Variants in ABHD1 observed in about 807,000 individuals in gnomAD.
The protein encoded by ABHD1 is protein ABHD1.
Under a neutral mutation model 41.4 loss-of-function variants are expected in ABHD1, and 47 were observed. That is an observed-to-expected ratio of 1.13 (90% confidence interval 0.90 to 1.45). ABHD1 has a LOEUF of 1.45. ABHD1 is among the 40% of genes most tolerant of loss of function. The probability of loss-of-function intolerance (pLI) is 0.00; values close to 1 mark genes in which losing one functional copy is unlikely to be tolerated. For synonymous variants in ABHD1, 205 were observed against 203.7 expected (o/e 1.01, Z -0.05); for missense variants, 550 against 503.4 (o/e 1.09, Z -0.89).
intron 8 of ABHD1, 26 bp from the exon 9 acceptor site, chr2:27,130,507 G>A (rs1672195352): frequency 6.2e-7 from 1 of 1,612,428 alleles, no homozygotes; most frequent in Non-Finnish European, 8.5e-7. Context: ...GAAGGCCAGT[G>A]TTTCTAACCT....
chr2:27,128,910 A>T (rs1164484035), intron 2 of ABHD1, 35 bp from the exon 3 acceptor site: 4 of 1,602,248 alleles, frequency 2.5e-6, no homozygotes, highest in Non-Finnish European at 3.4e-6. Flanking sequence ...TAAGTTCTTA[A>T]TAGTATCTTT....
chr2:27,123,834 A>G lies in ABHD1; in HGVS notation c.-115A>G. ...GGGGCCAGCAGCGCAAACTGCCTGC[A>G]GCGGGGACCGGACCTGCACAGGCCG... On this transcript the variant is annotated 5_prime_UTR_variant, in exon 1 of 9. Transcript: ENST00000316470. 1 of 835,386 alleles carries G rather than the reference A, an allele frequency of 1.2e-6. No individual in the cohort carries two copies. Among genetic ancestry groups the G allele is most frequent in the South Asian group, 1.5e-5 (1 of 64,696 alleles). The allele number at this position is 835,386 out of a possible 1,614,324, so 51.7% of individuals were successfully genotyped here. A position where few individuals can be genotyped will look rare whatever the true frequency, so the allele number is the denominator to read the frequency against.
intron 1 of ABHD1, 145 bp downstream of exon 1, chr2:27,124,207 G>A (rs2148407597): frequency 2.6e-6 from 2 of 775,768 alleles, no homozygotes; most frequent in South Asian, 1.5e-5. Context: ...AGTCGGCTCT[G>A]CCTCTCTAGT....
At chr2:27,128,369 C>G (rs769332425) in intron 1 of ABHD1, 72 bp from the exon 2 acceptor site, 2 of 1,604,154 alleles carry the variant, frequency 1.2e-6, no homozygotes, top group Non-Finnish European at 1.7e-6. Context: ...CCCCCTCACC[C>G]TCTGGTGTTG....
In ABHD1 at chr2:27,129,615, C is replaced by G. The variant is rs766312530; in HGVS notation, c.606C>G (p.Ile202Met). The G allele has an allele frequency of 1.5e-5, 24 of 1,612,882 alleles. No homozygotes were observed. Among genetic ancestry groups the G allele is most frequent in the Non-Finnish European group, 2.0e-5 (24 of 1,180,014 alleles). ...YPQAPLLAVG[I>M]SFGGILVLNH... ...AAGCTCCACTGCTGGCCGTGGGCAT[C>G]TCTTTTGGAGGGTAAAGATTGCCTG... The change falls in exon 5 of 9, where the codon ATC (isoleucine) becomes ATG (methionine). Residue 202 changes from isoleucine to methionine, a missense_variant. Ile to Met is a conservative substitution (Grantham distance 10). Transcript: ENST00000316470.
Position 27,129,374 on chromosome 2 carries a change from C to T in ABHD1, c.504+13C>T, listed in dbSNP as rs1349200617. 5 of 1,614,094 alleles carry T rather than the reference C, an allele frequency of 3.1e-6. No individual in the cohort carries two copies. Among genetic ancestry groups the T allele is most frequent in the Non-Finnish European group, 4.2e-6 (5 of 1,179,996 alleles). On this transcript the variant is annotated intron_variant, in intron 4 of 8. Transcript: ENST00000316470. ...GGAGGAACTGCGGGTGAGTAGCTGC[C>T]TTCCTCATAGCAGCCCTTCACCCAC... is the stretch of plus-strand genomic sequence containing the variant.
chr2:27,129,937 TG>T lies in ABHD1; in HGVS notation c.791+12del. Reference sequence around the variant, plus strand: ...GCCAACTTGTGGAACGGTAGGGTCGTGGCAAGTGGGAGGAGGCAGTAGACAG... The same window carrying T: ...GCCAACTTGTGGAACGGTAGGGTCGTGCAAGTGGGAGGAGGCAGTAGACAG... On this transcript the variant is annotated intron_variant, in intron 6 of 8. Coordinates refer to ENST00000316470, the MANE Select transcript of ABHD1 (RefSeq NM_032604.4). 6.2e-7 allele frequency: 1 copy of T among 1,613,842 alleles called. No individual in the cohort carries two copies. Among genetic ancestry groups the T allele is most frequent in the Non-Finnish European group, 8.5e-7 (1 of 1,179,982 alleles).
Position 27,128,427 on chromosome 2 carries a change from CTG to C in ABHD1, c.115-9_115-8del. On this transcript the variant is annotated splice_polypyrimidine_tract_variant and intron_variant, in intron 1 of 8. Coordinates refer to ENST00000316470, the MANE Select transcript of ABHD1 (RefSeq NM_032604.4). Reference sequence around the variant, plus strand: ...AAAGTCAGGGAAGTGGGGCAGACTGCTGTGTGATTACAGAGGCCTCGGCTGGT... The same window carrying C: ...AAAGTCAGGGAAGTGGGGCAGACTGCTGTGATTACAGAGGCCTCGGCTGGT... The C allele has an allele frequency of 4.3e-6, 7 of 1,613,814 alleles. No individual in the cohort carries two copies. The highest frequency in any genetic ancestry group is 5.9e-6 in the Non-Finnish European group (7 of 1,180,016).
intron 3 of ABHD1, 23 bp downstream of exon 3, chr2:27,129,150 A>C (rs761882369): frequency 1.2e-6 from 2 of 1,606,826 alleles, no homozygotes; most frequent in South Asian, 2.2e-5. Context: ...GCAGCCCCAG[A>C]GTGGGGTGGC....
chr2:27,128,526 T>A lies in ABHD1; in HGVS notation c.200T>A (p.Leu67Gln). Reference protein sequence around the residue: ...SITTETFYPTLWCFEGRLQSI... With the variant: ...SITTETFYPTQWCFEGRLQSI... ...ACCACCGAGACTTTCTACCCAACGC[T>A]GTGGTGTTTTGAGGGGCGACTACAA... is the stretch of plus-strand genomic sequence containing the variant. Residue 67 changes from leucine (L) to glutamine (Q), a missense_variant, in exon 2 of 9, where the codon CTG becomes CAG. By Grantham distance (113) the Leu-to-Gln change is moderately radical (BLOSUM62 -2). Transcript: ENST00000316470. 1 of 1,613,566 alleles carries A rather than the reference T, an allele frequency of 6.2e-7. No individual in the cohort carries two copies. Among genetic ancestry groups the A allele is most frequent in the Admixed American group, 1.7e-5 (1 of 59,932 alleles).
chr2:27,129,935 C>G lies in ABHD1; in HGVS notation c.791+8C>G, dbSNP rs768605892. 1.2e-6 allele frequency: 2 copies of G among 1,613,766 alleles called. No individual in the cohort carries two copies. The highest frequency in any genetic ancestry group is 1.1e-5 in the South Asian group (1 of 91,052). ...CTGCCAACTTGTGGAACGGTAGGGT[C>G]GTGGCAAGTGGGAGGAGGCAGTAGA... On this transcript the variant is annotated splice_region_variant and intron_variant, in intron 6 of 8. Coordinates refer to ENST00000316470, the MANE Select transcript of ABHD1 (RefSeq NM_032604.4).
intron 1 of ABHD1, among the ~76,000 whole-genome samples, chr2:27,127,537 G>A (rs1218572006): frequency 1.5e-4 from 18 of 116,176 alleles, no homozygotes; most frequent in Middle Eastern, 6.1e-3. Context: ...CTGGGCAACA[G>A]AGCGAGACTC....
rs753469773 is a variant in ABHD1, at chr2:27,129,504, T to C, written c.505-10T>C. 4 of 1,613,876 alleles carry C rather than the reference T, an allele frequency of 2.5e-6. No homozygotes were observed. The African/African-American group carries it at 5.3e-5, about 22-fold the overall frequency. ...CTCCCTCCCTACCCAATGATCTGGT[T>C]TGCCCTCAGACCCACAGGGCTTTTT... On this transcript the variant is annotated splice_polypyrimidine_tract_variant and intron_variant, in intron 4 of 8. Transcript: ENST00000316470.
rs774854524 is a variant in ABHD1 at position 27,129,345 on chromosome 2, G to T, written c.488G>T (p.Arg163Leu). The T allele has an allele frequency of 6.2e-7, 1 of 1,614,174 alleles. No homozygotes were observed. The highest frequency in any genetic ancestry group is 8.5e-7 in the Non-Finnish European group (1 of 1,180,032). The change falls in exon 4 of 9, where the codon CGT becomes CTT. Residue 163 changes from arginine (R) to leucine (L), a missense_variant. Physicochemically the swap from Arg to Leu is moderately radical, Grantham distance 102. Coordinates refer to ENST00000316470, the MANE Select transcript of ABHD1 (RefSeq NM_032604.4). Reference protein sequence around the residue: ...QAVVFNNRGCRGEELRTHRAF... With the variant: ...QAVVFNNRGCLGEELRTHRAF... ...GTCGTGTTTAACAACCGGGGCTGCC[G>T]TGGGGAGGAACTGCGGGTGAGTAGC...
Position 27,123,989 on chromosome 2 carries a change from C to T in ABHD1, c.41C>T (p.Ala14Val), listed in dbSNP as rs760484404. The part of the protein sequence containing the change: ...SFLSPQNGTW[A>V]DTFSLLLALA... Reference sequence around the variant, plus strand: ...CTGAGCCCCCAGAATGGCACCTGGGCAGACACCTTCTCTCTGCTCTTGGCT... The same window carrying T: ...CTGAGCCCCCAGAATGGCACCTGGGTAGACACCTTCTCTCTGCTCTTGGCT... Residue 14 changes from alanine to valine, a missense_variant, in exon 1 of 9, where the codon GCA (alanine) becomes GTA (valine). Physicochemically the swap from Ala to Val is moderately conservative, Grantham distance 64. Transcript: ENST00000316470. 24 of 1,614,136 alleles carry T rather than the reference C, an allele frequency of 1.5e-5. No individual in the cohort carries two copies. The Admixed American group carries it at 3.8e-4, about 26-fold the overall frequency.
intron 1 of ABHD1, among the ~76,000 whole-genome samples, chr2:27,127,231 T>C (rs1052941944): frequency 5.5e-5 from 8 of 144,738 alleles, no homozygotes; most frequent in African/African-American, 2.0e-4. Context: ...ACAGTGTAGC[T>C]TCATCTTTTT....
At chr2:27,127,219 A>G (rs1437161506) in intron 1 of ABHD1, among the ~76,000 whole-genome samples, 2 of 149,120 alleles carry the variant, frequency 1.3e-5, no homozygotes, top group African/African-American at 4.9e-5. Context: ...CTTAGGAAGA[A>G]GACAGTGTAG....
intron 1 of ABHD1, chr2:27,124,847 T>C (rs1032362835): frequency 6.5e-6 from 1 of 153,244 alleles, no homozygotes; most frequent in African/African-American, 2.4e-5. Context: ...GTTTACTAAA[T>C]GTCTTCCTTA....
Position 27,130,275 on chromosome 2 carries a change from G to T in ABHD1, c.865G>T (p.Glu289Ter), listed in dbSNP as rs574633750. ...GGCCCGTACAATCCGCCAGTTTGAT[G>T]AGCGCTACACATCTGTGGCCTTTGG... The part of the protein sequence containing the change: ...LQARTIRQFD[E>*]RYTSVAFGYQ... The change falls in exon 8 of 9, where the codon GAG becomes TAG. Residue 289 changes from glutamate (E) to a stop codon, truncating the protein, a stop_gained. Coordinates refer to ENST00000316470, the MANE Select transcript of ABHD1 (RefSeq NM_032604.4). LOFTEE classifies it high-confidence loss of function. 6.2e-7 allele frequency: 1 copy of T among 1,614,132 alleles called. No homozygotes were observed. Among genetic ancestry groups the T allele is most frequent in the East Asian group, 2.2e-5 (1 of 44,882 alleles).
Sources: gnomAD v4.1 joint callset for allele counts (sites outside exome capture counted in the v4.1 genomes callset) on GRCh38, gnomAD v4.1.1 for gene constraint, MANE v1.5 for transcripts, NCBI Gene and HGNC (gene_info 2026-07-23, HGNC 2026-07-21) for gene names.